The following KLHL29 variants were observed in gnomAD, a reference collection of about 807,000 sequenced individuals.
The protein encoded by KLHL29 is kelch like family member 29.
In KLHL29, 21 loss-of-function variants were observed where a neutral mutation model predicts 80.4. The ratio of observed to expected loss-of-function variants is 0.26; its 90% CI spans 0.19 to 0.38. The LOEUF (loss-of-function observed/expected upper bound fraction) is 0.38. Ranked by LOEUF, KLHL29 falls within the 10% of genes least tolerant of loss-of-function variation. The probability of loss-of-function intolerance (pLI) is 1.00; values close to 1 mark genes in which losing one functional copy is unlikely to be tolerated. For synonymous variants in KLHL29, 511 were observed against 526.8 expected (o/e 0.97, Z 0.41); for missense variants, 867 against 1,223.9 (o/e 0.71, Z 4.35).
rs931212327 is a variant in KLHL29, at chr2:23,457,282, C to A, written c.-153-18278C>A. On this transcript the variant is annotated intron_variant, in intron 1 of 13. Transcript: ENST00000486442. This position sits in a 1 kb window ranked among gnomAD's most constrained non-coding sequence, Gnocchi z 4.3. ...CATATGGGCTCTGAGCCCAGAGGGG[C>A]CAGGTCTTTGGAGTCTGGAATGACT... Among the ~76,000 whole-genome samples the A allele has an allele frequency of 4.6e-5, 7 of 152,194 alleles. No homozygotes were observed. The highest frequency in any genetic ancestry group is 1.7e-4 in the African/African-American group (7 of 41,438).
intron 5 of KLHL29, among the ~76,000 whole-genome samples, chr2:23,666,795 A>G (rs1212541515): frequency 6.6e-6 from 1 of 152,332 alleles, no homozygotes; most frequent in East Asian, 1.9e-4. Context: ...GCCCACCCAG[A>G]CTGGCACAGA....
intron 3 of KLHL29, among the ~76,000 whole-genome samples, chr2:23,591,858 T>G (rs1668271418): frequency 6.6e-6 from 1 of 152,168 alleles, no homozygotes; most frequent in Admixed American, 6.5e-5. Flanking sequence ...GCGGTGCACA[T>G]TCTCATGCTG....
chr2:23,569,826 C>T (rs919792631), intron 3 of KLHL29, among the ~76,000 whole-genome samples: 1 of 152,196 alleles, frequency 6.6e-6, no homozygotes, highest in Admixed American at 6.5e-5. Context: ...GAGGGAATGT[C>T]CTCAATGAAA....
chr2:23,706,423 T>A (rs1177850664), intron 13 of KLHL29, 58 bp from the exon 14 acceptor site: 4 of 1,338,856 alleles, frequency 3.0e-6, no homozygotes, highest in Non-Finnish European at 3.9e-6. Flanking sequence ...TGAGAACCTA[T>A]CTCCAGGGCC....
chr2:23,517,676 G>A (rs1665980891), intron 2 of KLHL29, among the ~76,000 whole-genome samples: 1 of 152,164 alleles, frequency 6.6e-6, no homozygotes, highest in Non-Finnish European at 1.5e-5. Flanking sequence ...TCTCCTAATG[G>A]AATTCATGTC....
chr2:23,553,109 C>G (rs969245885), intron 2 of KLHL29, among the ~76,000 whole-genome samples: 1 of 152,296 alleles, frequency 6.6e-6, no homozygotes, highest in Middle Eastern at 3.4e-3. Flanking sequence ...TCCCCTCTTT[C>G]CCCAGCCTGG....
chr2:23,581,702 C>T (rs377557537), intron 3 of KLHL29, among the ~76,000 whole-genome samples: 1 of 151,548 alleles, frequency 6.6e-6, no homozygotes, highest in Non-Finnish European at 1.5e-5. Context: ...GTAGTGCGTA[C>T]CTGTAATCCC....
intron 3 of KLHL29, among the ~76,000 whole-genome samples, chr2:23,603,474 A>G (rs1441463497): frequency 1.3e-5 from 2 of 152,196 alleles, no homozygotes; most frequent in African/African-American, 4.8e-5. Flanking sequence ...CCCAGATTCC[A>G]GAGCTGAAGG....
chr2:23,471,088 G>A (rs914229516), intron 1 of KLHL29, among the ~76,000 whole-genome samples: 9 of 152,304 alleles, frequency 5.9e-5, no homozygotes, highest in African/African-American at 1.7e-4. Context: ...GGGTGGGCTC[G>A]GGAGCCGGTT....
At chr2:23,621,177 C>CAGCAGA (rs1404695525) in intron 3 of KLHL29, among the ~76,000 whole-genome samples, 1 of 151,602 alleles carries the variant, frequency 6.6e-6, no homozygotes, top group Non-Finnish European at 1.5e-5. Context: ...AGTTCTCACC[C>CAGCAGA]AGCAGCAGCA....
intron 3 of KLHL29, among the ~76,000 whole-genome samples, chr2:23,587,867 A>T (rs1668158350): frequency 6.6e-6 from 1 of 152,102 alleles, no homozygotes; most frequent in African/African-American, 2.4e-5. Flanking sequence ...ATGGGCAGGG[A>T]AAGTGTTTTA....
At chr2:23,591,148 G>A (rs575054128) in intron 3 of KLHL29, among the ~76,000 whole-genome samples, 1 of 152,318 alleles carries the variant, frequency 6.6e-6, no homozygotes, top group South Asian at 2.1e-4. Context: ...GGCAAGGTGA[G>A]GGGCAGCCAT....
chr2:23,587,159 G>C (rs928742346), intron 3 of KLHL29, among the ~76,000 whole-genome samples: 1 of 152,066 alleles, frequency 6.6e-6, no homozygotes, highest in African/African-American at 2.4e-5. Context: ...TCAGCGTGTC[G>C]AGAAGCTCTG....
At chr2:23,410,314 G>A (rs760542435) in intron 1 of KLHL29, among the ~76,000 whole-genome samples, 27 of 151,988 alleles carry the variant, frequency 1.8e-4, no homozygotes, top group Non-Finnish European at 3.1e-4. Context: ...TGTGGAGACA[G>A]GTAAATGGGC....
intron 1 of KLHL29, among the ~76,000 whole-genome samples, chr2:23,386,473 G>C (rs1666185610): frequency 6.6e-6 from 1 of 152,236 alleles, no homozygotes; most frequent in Admixed American, 6.5e-5. Flanking sequence ...GGGTGCCAGC[G>C]TGTTGTGGGG....
At chr2:23,409,550 T>A (rs1004458436) in intron 1 of KLHL29, among the ~76,000 whole-genome samples, 2 of 152,254 alleles carry the variant, frequency 1.3e-5, no homozygotes, top group African/African-American at 2.4e-5. Context: ...TCGGAAGGAA[T>A]ATGTTGCCAT....
chr2:23,608,411 C>G (rs1668780510), intron 3 of KLHL29, among the ~76,000 whole-genome samples: 1 of 150,278 alleles, frequency 6.7e-6, no homozygotes, highest in South Asian at 2.1e-4. Context: ...TCTTCCCCTA[C>G]AAGACTGCAG....
rs141037633 is a variant in KLHL29, at chr2:23,474,988, C to T, written c.-153-572C>T. 1.2e-3 allele frequency among the ~76,000 whole-genome samples: 180 copies of T among 151,388 alleles called. 2 individuals are homozygous for T. Among genetic ancestry groups the T allele is most frequent in the Middle Eastern group, 6.8e-3 (2 of 294 alleles). The stretch of plus-strand genomic sequence containing the variant: ...CCCCGTAATAGATAGCCTCTTTCTC[C>T]TAGGTATTAAATCTATAATTTAAAA... On this transcript the variant is annotated intron_variant, in intron 1 of 13. Transcript: ENST00000486442.
chr2:23,510,804 G>A (rs1323095583), intron 2 of KLHL29, among the ~76,000 whole-genome samples: 1 of 152,184 alleles, frequency 6.6e-6, no homozygotes, highest in African/African-American at 2.4e-5. Flanking sequence ...GCCTTCTCAA[G>A]CCATCTCCTG....
Sources: allele counts gnomAD v4.1 joint callset (sites outside exome capture counted in the v4.1 genomes callset), GRCh38; gene constraint gnomAD v4.1.1; non-coding constraint Gnocchi (gnomAD v3.1); transcripts MANE v1.5; gene names NCBI Gene and HGNC (gene_info 2026-07-23, HGNC 2026-07-21).